CC2D2A: variants seen among roughly 807,000 people sequenced by gnomAD.
The protein encoded by CC2D2A is coiled-coil and C2 domain containing 2A.
A neutral mutation model predicts 212.9 loss-of-function variants in CC2D2A; 155 were observed. The ratio of observed to expected loss-of-function variants is 0.73; its 90% CI spans 0.64 to 0.83. CC2D2A has a LOEUF of 0.83. Among genes scored for constraint, CC2D2A ranks in the 40% least tolerant of loss-of-function variants. CC2D2A has a pLI of 0.00. For missense variants in CC2D2A, 1,856 were observed against 1,956.2 expected (o/e 0.95, Z 0.97); for synonymous variants, 667 against 686.5 (o/e 0.97, Z 0.44).
Position 15,537,043 on chromosome 4 carries a change from G to C in CC2D2A, c.1731G>C (p.Ser577=). 6.2e-7 allele frequency: 1 copy of C among 1,613,586 alleles called. No homozygotes were observed. The highest frequency in any genetic ancestry group is 8.5e-7 in the Non-Finnish European group (1 of 1,179,622). The change falls in exon 15 of 37, where the codon TCG becomes TCC. Residue 577 remains serine (S), a synonymous_variant. Transcript: ENST00000424120. ...AGAAGATGGAAGAATACAGAACGTC[G>C]TTACAACAGTGGAAGGCCTGGAGGA... ...YAQKMEEYRT[S]LQQWKAWRKV... is the part of the protein sequence containing the mutation.
At chr4:15,480,477 T>C (rs1714556942) in intron 3 of CC2D2A, among the ~76,000 whole-genome samples, 1 of 152,204 alleles carries the variant, frequency 6.6e-6, no homozygotes, top group East Asian at 1.9e-4. Context: ...ATAATAACGT[T>C]ATTTGGGGAC....
chr4:15,594,544 T>C (rs1407784451), intron 33 of CC2D2A, among the ~76,000 whole-genome samples: 1 of 151,948 alleles, frequency 6.6e-6, no homozygotes, highest in Non-Finnish European at 1.5e-5. Context: ...GCAATGACAA[T>C]GGCAGAGGTA....
At chr4:15,549,790 G>A (rs182480522) in intron 17 of CC2D2A, among the ~76,000 whole-genome samples, 190 of 152,248 alleles carry the variant, frequency 1.2e-3, no homozygotes, top group Admixed American at 2.4e-3. Flanking sequence ...GTGACAGGGC[G>A]AGACTCCATC....
intron 28 of CC2D2A, among the ~76,000 whole-genome samples, chr4:15,573,534 A>G (rs1246306423): frequency 6.6e-6 from 1 of 152,156 alleles, no homozygotes; most frequent in Non-Finnish European, 1.5e-5. Flanking sequence ...CAAGTGCTCT[A>G]CCTGCCTCGG....
At position 15,559,952 on chromosome 4, in the gene CC2D2A, C is replaced by T. The variant is rs182854582; in HGVS notation, c.2923-579C>T. 8.5e-5 allele frequency among the ~76,000 whole-genome samples: 13 copies of T among 152,240 alleles called. No individual in the cohort carries two copies. In the East Asian group the frequency reaches 2.3e-3, roughly 27 times the overall value. ...GCTCAAGCCATCCTCCCACCTCAGC[C>T]TCTCGAATAGCCAGGACTACAGGTA... On this transcript the variant is annotated intron_variant, in intron 22 of 36. Coordinates refer to ENST00000424120, the MANE Select transcript of CC2D2A (RefSeq NM_001378615.1).
chr4:15,505,963 G>C (rs1194089660), intron 6 of CC2D2A, among the ~76,000 whole-genome samples: 1 of 152,126 alleles, frequency 6.6e-6, no homozygotes, highest in Non-Finnish European at 1.5e-5. Context: ...AATATATTTT[G>C]TAATTATGTT....
At chr4:15,480,898 G>A (rs1352416165) in intron 4 of CC2D2A, 71 bp downstream of exon 4, 1 of 1,529,784 alleles carries the variant, frequency 6.5e-7, no homozygotes, top group African/African-American at 1.4e-5. Context: ...GAGCAGTATA[G>A]GGATTTTTTA....
intron 6 of CC2D2A, among the ~76,000 whole-genome samples, chr4:15,508,733 G>A (rs549610054): frequency 2.5e-4 from 38 of 152,286 alleles, no homozygotes; most frequent in African/African-American, 8.4e-4. Context: ...GACTTGGGAA[G>A]GATATATTGA....
In CC2D2A at chr4:15,538,152, C is replaced by A. The variant is rs780860390; in HGVS notation, c.2003+15C>A. The A allele has an allele frequency of 3.3e-6, 5 of 1,526,648 alleles. No homozygotes were observed. The highest frequency in any genetic ancestry group is 2.4e-5 in the East Asian group (1 of 41,896). The allele number at this position is 1,526,648 out of a possible 1,614,324, so 94.6% of individuals were successfully genotyped here. Reference sequence around the variant, plus strand: ...CAGTGCCCCAGGTGAGTGGATGCTCCGACCGTAAATGAGGCTGACATCTGA... The same window carrying A: ...CAGTGCCCCAGGTGAGTGGATGCTCAGACCGTAAATGAGGCTGACATCTGA... On this transcript the variant is annotated intron_variant, in intron 16 of 36. Transcript: ENST00000424120.
At chr4:15,501,963 G>A (rs1715978021) in intron 4 of CC2D2A, among the ~76,000 whole-genome samples, 2 of 152,260 alleles carry the variant, frequency 1.3e-5, no homozygotes, top group South Asian at 2.1e-4. Context: ...TATAGAAAAT[G>A]TTTCTCTGAT....
chr4:15,567,618 C>T, intron 25 of CC2D2A, 59 bp from the exon 26 acceptor site: 1 of 1,385,898 alleles, frequency 7.2e-7, no homozygotes. Flanking sequence ...TCTATTTTTG[C>T]TAAGAATAAA....
At chr4:15,534,605 G>C (rs1029855935) in intron 14 of CC2D2A, among the ~76,000 whole-genome samples, 21 of 152,270 alleles carry the variant, frequency 1.4e-4, no homozygotes, top group African/African-American at 4.8e-4. Flanking sequence ...GTCCCTTTCT[G>C]ATTGTTTCAC....
chr4:15,599,396 T>A (rs781287400), intron 35 of CC2D2A, 133 bp from the exon 36 acceptor site: 22 of 590,744 alleles, frequency 3.7e-5, no homozygotes, highest in Admixed American at 6.2e-5. Flanking sequence ...ACATTAACTA[T>A]GCCTGGATAA....
In CC2D2A at chr4:15,480,695, T is replaced by C. The variant is rs1055025520; in HGVS notation, c.124-9T>C. The stretch of plus-strand genomic sequence containing the variant: ...GGGAGTCTCTGAACCTCTGACCTTC[T>C]TCCTCCAGCCACCAACTGCTGTCCC... On this transcript the variant is annotated splice_polypyrimidine_tract_variant and intron_variant, in intron 3 of 36. Transcript: ENST00000424120. The C allele has an allele frequency of 6.8e-6, 11 of 1,607,244 alleles. No homozygotes were observed. The East Asian group carries it at 2.2e-4, about 33-fold the overall frequency.
At position 15,511,285 on chromosome 4, in the gene CC2D2A, C is replaced by G. The variant is rs761117385; in HGVS notation, c.579C>G (p.Asn193Lys). The G allele has an allele frequency of 2.2e-5, 36 of 1,601,658 alleles. No individual in the cohort carries two copies. Among genetic ancestry groups the G allele is most frequent in the Non-Finnish European group, 2.9e-5 (34 of 1,175,300 alleles). The change falls in exon 8 of 37, where the codon AAC (asparagine) becomes AAG (lysine). Residue 193 changes from asparagine to lysine, a missense_variant. Coordinates refer to ENST00000424120, the MANE Select transcript of CC2D2A (RefSeq NM_001378615.1). Reference sequence around the variant, plus strand: ...TCCCTTCTGCAGAAGAGGCCTATAACTTCTTTACTTTCAACTTTGATCCCG... The same window carrying G: ...TCCCTTCTGCAGAAGAGGCCTATAAGTTCTTTACTTTCAACTTTGATCCCG... The part of the protein sequence containing the change: ...PGFPSAEEAY[N>K]FFTFNFDPEP...
At chr4:15,495,859 A>G (rs1204696142) in intron 4 of CC2D2A, among the ~76,000 whole-genome samples, 1 of 152,200 alleles carries the variant, frequency 6.6e-6, no homozygotes, top group Non-Finnish European at 1.5e-5. Flanking sequence ...CACAGTGTAT[A>G]ACAGTTCCCT....
At chr4:15,533,112 C>T (rs1176870026) in intron 13 of CC2D2A, 81 bp from the exon 14 acceptor site, 1 of 1,141,428 alleles carries the variant, frequency 8.8e-7, no homozygotes, top group Non-Finnish European at 1.2e-6. Context: ...ATTGAATATA[C>T]AATCACTGTA....
chr4:15,590,174 T>G (rs946665929), intron 33 of CC2D2A, among the ~76,000 whole-genome samples: 8 of 152,190 alleles, frequency 5.3e-5, no homozygotes, highest in African/African-American at 1.9e-4. Context: ...TTTTGAGGGC[T>G]GCATGATTTT....
chr4:15,515,973 T>A lies in CC2D2A; in HGVS notation c.986T>A (p.Ile329Asn). ...RPEVARTNQN[I>N]MENRLLMQDP... ...GAGGTGGCACGCACCAATCAGAACA[T>A]CATGGAGAACAGATTGCTGATGCAG... Residue 329 changes from isoleucine (I) to asparagine (N), a missense_variant, in exon 10 of 37, where the codon ATC becomes AAC. This residue lies in a region of CC2D2A where 1,512 missense variants were observed against 1,579.3 expected (regional missense o/e 0.96). Coordinates refer to ENST00000424120, the MANE Select transcript of CC2D2A (RefSeq NM_001378615.1). The A allele has an allele frequency of 6.3e-7, 1 of 1,588,540 alleles. No homozygotes were observed. Among genetic ancestry groups the A allele is most frequent in the South Asian group, 1.2e-5 (1 of 86,518 alleles).
Sources: allele counts gnomAD v4.1 joint callset (sites outside exome capture counted in the v4.1 genomes callset), GRCh38; gene constraint gnomAD v4.1.1; regional missense constraint gnomAD v4.1.1; transcripts MANE v1.5; gene names NCBI Gene and HGNC (gene_info 2026-07-23, HGNC 2026-07-21).